LYG1: variants seen among roughly 807,000 people sequenced by gnomAD.
LYG1 encodes the protein lysozyme g1.
LYG1 carries 17 observed loss-of-function variants against 21.7 expected under a neutral mutation model. That is an observed-to-expected ratio of 0.78 (90% CI 0.54 to 1.18). The LOEUF (loss-of-function observed/expected upper bound fraction) is 1.18, where lower values mean the gene tolerates loss of function less well. Ranked by LOEUF, LYG1 falls within the 50% of genes most tolerant of loss-of-function variation. The pLI is 0.00. For synonymous variants in LYG1, 81 were observed against 87.4 expected, an observed-to-expected ratio of 0.93 and a Z score of 0.41; for missense variants, 211 against 238.1, an observed-to-expected ratio of 0.89 and a Z score of 0.75.
At chr2:99,300,432 T>C (rs1351445566) in intron 1 of LYG1, among the ~76,000 whole-genome samples, 4 of 152,234 alleles carry the variant, frequency 2.6e-5, no homozygotes, top group Non-Finnish European at 5.9e-5. Context: ...CCCGTGAACG[T>C]TTCCTTCTGC....
At position 99,291,343 on chromosome 2, in the gene LYG1, C is replaced by A. The variant is rs947587509; in HGVS notation, c.227G>T (p.Gly76Val). Residue 76 changes from glycine to valine, a missense_variant, in exon 5 of 7, where the codon GGC (glycine) becomes GTC (valine). Coordinates refer to ENST00000308528, the MANE Select transcript of LYG1 (RefSeq NM_174898.3). ...GGCAGGATCCATGCAGTACTTTTGG[C>A]CAATGGTTTGCATCATGGGTTGATA... ...LKYQPMMQTIGQKYCMDPAVI... is the reference protein window; with the variant it reads ...LKYQPMMQTIVQKYCMDPAVI... 1.2e-6 allele frequency: 2 copies of A among 1,614,058 alleles called. No individual in the cohort carries two copies. Among genetic ancestry groups the A allele is most frequent in the Non-Finnish European group, 1.7e-6 (2 of 1,180,050 alleles).
rs529371662 is a variant in LYG1 at position 99,299,923 on chromosome 2, C to T, written c.-124+1127G>A. 1.3e-4 allele frequency among the ~76,000 whole-genome samples: 20 copies of T among 151,710 alleles called. No homozygotes were observed. In the South Asian group the frequency reaches 2.3e-3, roughly 17 times the overall value. The stretch of plus-strand genomic sequence containing the variant: ...CCCTCCCTACATATATACACACACA[C>T]GTACACACACACACGTACACACACA... On this transcript the variant is annotated intron_variant, in intron 1 of 6. Coordinates refer to ENST00000308528, the MANE Select transcript of LYG1 (RefSeq NM_174898.3).
At chr2:99,288,550 A>G (rs908892336) in intron 5 of LYG1, among the ~76,000 whole-genome samples, 1 of 140,500 alleles carries the variant, frequency 7.1e-6, no homozygotes, top group African/African-American at 2.6e-5. Context: ...ATTCCTTTTT[A>G]CTCTTGTCTT....
At chr2:99,296,055 T>C (rs1352024030) in intron 2 of LYG1, among the ~76,000 whole-genome samples, 2 of 151,988 alleles carry the variant, frequency 1.3e-5, no homozygotes, top group African/African-American at 2.4e-5. Flanking sequence ...CTGATGCCCA[T>C]ACCTCATCCC....
intron 1 of LYG1, among the ~76,000 whole-genome samples, chr2:99,299,520 G>A (rs1210087329): frequency 6.7e-6 from 1 of 150,126 alleles, no homozygotes; most frequent in Admixed American, 6.6e-5. Context: ...ACCTGCCTGA[G>A]CTCAGGTGAT....
At chr2:99,299,864 C>T (rs1160837720) in intron 1 of LYG1, among the ~76,000 whole-genome samples, 1 of 150,898 alleles carries the variant, frequency 6.6e-6, no homozygotes, top group East Asian at 1.9e-4. Flanking sequence ...AGCATCATGT[C>T]GTACTCATCC....
Position 99,291,267 on chromosome 2 carries a change from G to T in LYG1, c.303C>A (p.Val101=), listed in dbSNP as rs201694334. The T allele has an allele frequency of 5.1e-5, 82 of 1,614,118 alleles. No individual in the cohort carries two copies. In the East Asian group the frequency reaches 1.8e-3, roughly 36 times the overall value. The change falls in exon 5 of 7, where the codon GTC becomes GTA. Residue 101 remains valine (V), a synonymous_variant. Transcript: ENST00000308528. ...SRKSPGDKIL[V]NMGDRTSMVQ... ...CCATGCTAGTCCTATCGCCCATGTT[G>T]ACCAGAATTTTGTCACCGGGAGACT... is the stretch of plus-strand genomic sequence containing the variant.
intron 3 of LYG1, 97 bp downstream of exon 3, chr2:99,295,531 C>A (rs1047518868): frequency 3.6e-5 from 52 of 1,430,928 alleles, no homozygotes; most frequent in African/African-American, 7.0e-5. Context: ...AAAAAATAAT[C>A]TTTTTTGTTG....
At chr2:99,293,843 G>A (rs2094128199) in intron 3 of LYG1, among the ~76,000 whole-genome samples, 1 of 152,084 alleles carries the variant, frequency 6.6e-6, no homozygotes, top group Non-Finnish European at 1.5e-5. Context: ...CAGTAGGCAG[G>A]AAATTGCTCC....
rs2094129222 is a variant in LYG1 at position 99,294,075 on chromosome 2, A to G, written c.44-1435T>C. Among the ~76,000 whole-genome samples, 3 of 152,044 alleles carry G rather than the reference A, an allele frequency of 2.0e-5. No homozygotes were observed. In the Middle Eastern group the frequency reaches 0.01, roughly 517 times the overall value. ...TAGCTGGGACCACAGGCACAAGCCA[A>G]CACACCTGTGTAATTTTTTGAAGAG... is the stretch of plus-strand genomic sequence containing the variant. On this transcript the variant is annotated intron_variant, in intron 3 of 6. Coordinates refer to ENST00000308528, the MANE Select transcript of LYG1 (RefSeq NM_174898.3).
At chr2:99,300,081 CTTT>C (rs11355267) in intron 1 of LYG1, among the ~76,000 whole-genome samples, 1 of 149,186 alleles carries the variant, frequency 6.7e-6, no homozygotes, top group African/African-American at 2.5e-5. Context: ...CCACTAAGAT[CTTT>C]TTTTTTTTGA....
intron 3 of LYG1, among the ~76,000 whole-genome samples, chr2:99,292,941 C>A (rs2094124421): frequency 1.3e-5 from 2 of 149,054 alleles, no homozygotes; most frequent in Admixed American, 6.7e-5. Flanking sequence ...TATCTTGGAA[C>A]ACAAAGGAGA....
intron 5 of LYG1, among the ~76,000 whole-genome samples, chr2:99,290,097 A>C (rs1416370826): frequency 1.3e-5 from 2 of 152,042 alleles, no homozygotes; most frequent in Non-Finnish European, 2.9e-5. Flanking sequence ...ACCTCATGTA[A>C]TCCACCCTCC....
chr2:99,304,031 G>A (rs1414949949), upstream of LYG1, among the ~76,000 whole-genome samples: 1 of 152,162 alleles, frequency 6.6e-6, no homozygotes, highest in Non-Finnish European at 1.5e-5. Flanking sequence ...AATTAGCCAG[G>A]CGTGGTGGGG....
At chr2:99,292,752 C>T (rs1188022028) in intron 3 of LYG1, 112 bp from the exon 4 acceptor site, 3 of 679,316 alleles carry the variant, frequency 4.4e-6, no homozygotes, top group Non-Finnish European at 2.6e-6. Context: ...CATTACATCA[C>T]CTTCACTCTG....
At position 99,292,614 on chromosome 2, in the gene LYG1, A is replaced by T; in HGVS notation, c.70T>A (p.Cys24Ser). 6.2e-7 allele frequency: 1 copy of T among 1,614,176 alleles called. No individual in the cohort carries two copies. Among genetic ancestry groups the T allele is most frequent in the South Asian group, 1.1e-5 (1 of 91,086 alleles). The change falls in exon 4 of 7, where the codon TGC becomes AGC. Residue 24 changes from cysteine to serine, a missense_variant. Cys to Ser is a moderately radical substitution (Grantham distance 112). Transcript: ENST00000308528. ...TCCAGGCTTTGGATGTTTCCATAGC[A>T]TCCCCAGTTGCTGCTTTCAGACAAG... ...MDLSESSNWG[C>S]YGNIQSLDTP... is the part of the protein sequence containing the mutation.
intron 5 of LYG1, among the ~76,000 whole-genome samples, chr2:99,285,629 T>C (rs139920496): frequency 1.3e-5 from 2 of 152,290 alleles, no homozygotes; most frequent in Non-Finnish European, 2.9e-5. Flanking sequence ...GCAATAACCA[T>C]CCCCTCTGTC....
rs2094100477 is a variant in LYG1 at position 99,286,610 on chromosome 2, A to G, written c.334-1790T>C. On this transcript the variant is annotated intron_variant, in intron 5 of 6. Coordinates refer to ENST00000308528, the MANE Select transcript of LYG1 (RefSeq NM_174898.3). ...TCCCAGCTACTCGGGAGGCTGGGAC[A>G]GGAGAATTGCTTGAACCCAGGAGGT... 1.3e-5 allele frequency among the ~76,000 whole-genome samples: 2 copies of G among 152,230 alleles called. 1 individual carries two copies. Among genetic ancestry groups the G allele is most frequent in the South Asian group, 4.1e-4 (2 of 4,830 alleles).
At chr2:99,301,531 T>G (rs1384932931), upstream of LYG1, among the ~76,000 whole-genome samples, 1 of 128,388 alleles carries the variant, frequency 7.8e-6, no homozygotes, top group African/African-American at 2.8e-5. Flanking sequence ...GGAATTGAAC[T>G]TGGTGTGTCA....
Sources: gnomAD v4.1 joint callset for allele counts (sites outside exome capture counted in the v4.1 genomes callset) on GRCh38, gnomAD v4.1.1 for gene constraint, MANE v1.5 for transcripts, NCBI Gene and HGNC (gene_info 2026-07-23, HGNC 2026-07-21) for gene names.